The following UBE2L3 variants were observed in gnomAD, a reference collection of about 807,000 sequenced individuals.
UBE2L3 encodes ubiquitin conjugating enzyme E2 L3.
In UBE2L3, 1 loss-of-function variant was observed where a neutral mutation model predicts 17.8. The observed-to-expected ratio is 0.06, with a 90% CI of 0.02 to 0.27. The LOEUF (loss-of-function observed/expected upper bound fraction) is 0.27, where lower values mean the gene tolerates loss of function less well. Ranked by LOEUF, UBE2L3 falls within the 10% of genes least tolerant of loss-of-function variation. The pLI is 1.00. For synonymous variants in UBE2L3, 44 were observed against 68.5 expected (o/e 0.64, Z 1.76); for missense variants, 40 against 192.6 (o/e 0.21, Z 4.69).
At chr22:21,605,426 C>G (rs1929103902) in intron 2 of UBE2L3, among the ~76,000 whole-genome samples, 1 of 152,096 alleles carries the variant, frequency 6.6e-6, no homozygotes, top group South Asian at 2.1e-4. Context: ...ACCGTGTTAG[C>G]CAGGATGGTC....
intron 2 of UBE2L3, among the ~76,000 whole-genome samples, chr22:21,608,099 G>T (rs913773177): frequency 1.3e-5 from 2 of 152,130 alleles, no homozygotes; most frequent in Non-Finnish European, 2.9e-5. Flanking sequence ...AAATAACACC[G>T]TGCATCTCTT....
intron 1 of UBE2L3, among the ~76,000 whole-genome samples, chr22:21,588,457 T>A (rs1365622506): frequency 6.8e-6 from 1 of 146,120 alleles, no homozygotes; most frequent in African/African-American, 2.6e-5. Flanking sequence ...CCAATTTTTC[T>A]TCTTTCTTTT....
chr22:21,564,347 C>G (rs1256977473), upstream of UBE2L3, among the ~76,000 whole-genome samples: 1 of 152,076 alleles, frequency 6.6e-6, no homozygotes, highest in Non-Finnish European at 1.5e-5. Context: ...TGATGGGAGG[C>G]TTGGGCAGAT....
intron 1 of UBE2L3, among the ~76,000 whole-genome samples, chr22:21,578,237 G>A (rs1052589877): frequency 1.3e-4 from 20 of 151,860 alleles, no homozygotes; most frequent in African/African-American, 4.8e-4. Context: ...GTGGGCGCCT[G>A]TAGTCCCAGC....
At chr22:21,596,850 A>T (rs1434854947) in intron 2 of UBE2L3, among the ~76,000 whole-genome samples, 1 of 151,714 alleles carries the variant, frequency 6.6e-6, no homozygotes, top group Non-Finnish European at 1.5e-5. Flanking sequence ...AACATTTGTT[A>T]TTTTACTTTT....
intron 2 of UBE2L3, among the ~76,000 whole-genome samples, chr22:21,597,775 A>ATGTTTTTTT (rs1928615444): frequency 3.9e-5 from 1 of 25,552 alleles, no homozygotes; most frequent in Non-Finnish European, 6.9e-5. Context: ...TTATATGTAG[A>ATGTTTTTTT]TTTTTTTTTT....
At chr22:21,588,156 T>C (rs1928048575) in intron 1 of UBE2L3, among the ~76,000 whole-genome samples, 1 of 152,214 alleles carries the variant, frequency 6.6e-6, no homozygotes, top group Middle Eastern at 3.2e-3. Flanking sequence ...GAGTGTTATT[T>C]GTAAGCATCT....
chr22:21,563,106 G>A (rs919448447), upstream of UBE2L3, among the ~76,000 whole-genome samples: 2 of 151,552 alleles, frequency 1.3e-5, no homozygotes, highest in African/African-American at 2.4e-5. Flanking sequence ...GCTGGGCATA[G>A]AGGTGTGCAC....
At chr22:21,603,529 T>TAA (rs780658850) in intron 2 of UBE2L3, among the ~76,000 whole-genome samples, 1,436 of 79,932 alleles carry the variant, frequency 0.018, 17 homozygotes, top group African/African-American at 0.026. Context: ...GACTCTGTCT[T>TAA]AAAAAAAAAA....
chr22:21,591,424 A>G (rs1415757793), intron 1 of UBE2L3, among the ~76,000 whole-genome samples: 6 of 152,092 alleles, frequency 3.9e-5, no homozygotes, highest in Admixed American at 1.3e-4. Context: ...GTGGGGGGAA[A>G]CTTGTGCCTG....
At chr22:21,582,099 GA>G (rs1391476095) in intron 1 of UBE2L3, among the ~76,000 whole-genome samples, 2 of 147,266 alleles carry the variant, frequency 1.4e-5, no homozygotes, top group African/African-American at 5.0e-5. Flanking sequence ...CAGTCTGGGT[GA>G]CAGAGTGAGA....
chr22:21,594,166 C>T (rs1185672901), intron 2 of UBE2L3, among the ~76,000 whole-genome samples: 2 of 152,234 alleles, frequency 1.3e-5, no homozygotes, highest in Non-Finnish European at 2.9e-5. Flanking sequence ...CACATCTGAG[C>T]CTCTGGCCCT....
upstream of UBE2L3, among the ~76,000 whole-genome samples, chr22:21,565,269 T>G (rs979612055): frequency 1.3e-5 from 2 of 151,640 alleles, no homozygotes; most frequent in Non-Finnish European, 2.9e-5. Flanking sequence ...ATTTTTTGTA[T>G]TTTTAGTAGA....
At chr22:21,558,028 C>A (rs192293402) in intron 1 of UBE2L3, among the ~76,000 whole-genome samples, 2 of 151,208 alleles carry the variant, frequency 1.3e-5, no homozygotes, top group African/African-American at 2.4e-5. Flanking sequence ...GTCCCCCTTA[C>A]GTCTCAGTTG....
chr22:21,556,629 A>ATTTTTTTTTTTTTTTTGTG (rs780653296), intron 1 of UBE2L3, among the ~76,000 whole-genome samples: 1 of 130,464 alleles, frequency 7.7e-6, no homozygotes, highest in Non-Finnish European at 1.6e-5. Flanking sequence ...TTTTTTTTGT[A>ATTTTTTTTTTTTTTTTGTG]TTTTTTTTTT....
At chr22:21,614,095 C>T (rs1302583117) in intron 3 of UBE2L3, among the ~76,000 whole-genome samples, 2 of 152,194 alleles carry the variant, frequency 1.3e-5, no homozygotes, top group Non-Finnish European at 2.9e-5. Context: ...TCCTCAGGCC[C>T]ACTTGGGCCT....
chr22:21,575,949 C>T (rs1052286379), intron 1 of UBE2L3, among the ~76,000 whole-genome samples: 3 of 151,678 alleles, frequency 2.0e-5, no homozygotes, highest in Non-Finnish European at 4.4e-5. Flanking sequence ...AATTGAATAG[C>T]TCTTGAACTC....
intron 2 of UBE2L3, among the ~76,000 whole-genome samples, chr22:21,609,048 C>T (rs1929332910): frequency 6.6e-6 from 1 of 152,106 alleles, no homozygotes; most frequent in Non-Finnish European, 1.5e-5. Context: ...GCGCCCACCA[C>T]CACGTCCAGC....
chr22:21,592,473 A>G (rs1238807506), intron 1 of UBE2L3, among the ~76,000 whole-genome samples: 1 of 152,168 alleles, frequency 6.6e-6, no homozygotes, highest in African/African-American at 2.4e-5. Context: ...CTTGATTGGA[A>G]GGTATCAGGT....
Sources: allele counts gnomAD v4.1 joint callset (sites outside exome capture counted in the v4.1 genomes callset), GRCh38; gene constraint gnomAD v4.1.1; transcripts MANE v1.5; gene names NCBI Gene and HGNC (gene_info 2026-07-23, HGNC 2026-07-21).